Variants in PRR5L observed in about 807,000 individuals in gnomAD.
PRR5L encodes the protein proline rich 5 like.
A neutral mutation model predicts 36.4 loss-of-function variants in PRR5L; 21 were observed. The ratio of observed to expected loss-of-function variants is 0.58; its 90% CI spans 0.41 to 0.83. PRR5L has a LOEUF of 0.83. PRR5L is among the 40% of genes least tolerant of loss of function. The pLI, the probability that PRR5L is intolerant of heterozygous loss-of-function variation, is 0.00. For missense variants in PRR5L, 381 were observed against 473.3 expected (o/e 0.80, Z 1.81); for synonymous variants, 188 against 197.0 (o/e 0.95, Z 0.38).
chr11:36,416,633 T>C (rs1858148872), intron 3 of PRR5L, among the ~76,000 whole-genome samples: 2 of 152,212 alleles, frequency 1.3e-5, no homozygotes, highest in African/African-American at 2.4e-5. Flanking sequence ...AGTCTTTGTC[T>C]TGGAAGTTGC....
intron 1 of PRR5L, chr11:36,376,023 G>A (rs1474543330): frequency 2.4e-5 from 13 of 536,600 alleles, no homozygotes; most frequent in Non-Finnish European, 4.2e-5. Flanking sequence ...TGGGCCGGGG[G>A]CGGGGGTCGG....
intron 1 of PRR5L, among the ~76,000 whole-genome samples, chr11:36,333,506 G>T (rs757067458): frequency 6.6e-6 from 1 of 152,190 alleles, no homozygotes; most frequent in Non-Finnish European, 1.5e-5. Flanking sequence ...TGGATTAAAT[G>T]AAGTGTGGCA....
intron 1 of PRR5L, among the ~76,000 whole-genome samples, chr11:36,327,657 A>G (rs909378701): frequency 5.9e-5 from 9 of 152,168 alleles, no homozygotes; most frequent in African/African-American, 1.9e-4. Context: ...CTGGTCATCT[A>G]TTTCCTCTAA....
At chr11:36,460,833 G>T (rs1859164771) in intron 8 of PRR5L, among the ~76,000 whole-genome samples, 1 of 152,178 alleles carries the variant, frequency 6.6e-6, no homozygotes. Flanking sequence ...ACCTCTCCTG[G>T]AGTCTGTTCC....
At chr11:36,296,888 G>A (rs999475801) in intron 1 of PRR5L, among the ~76,000 whole-genome samples, 3 of 152,134 alleles carry the variant, frequency 2.0e-5, no homozygotes, top group Non-Finnish European at 4.4e-5. Flanking sequence ...TAGAATCTGC[G>A]CTTTTCGTCA....
At chr11:36,420,711 AC>A (rs138198512) in intron 4 of PRR5L, among the ~76,000 whole-genome samples, 10,370 of 152,274 alleles carry the variant, frequency 0.068, 527 homozygotes, top group Middle Eastern at 0.17. Flanking sequence ...TACTTTTAAG[AC>A]AGTTTAAAGA....
At position 36,344,467 on chromosome 11, in the gene PRR5L, C is replaced by T. The variant is rs1856846028; in HGVS notation, c.-126+48029C>T. The stretch of plus-strand genomic sequence containing the variant: ...CATTTTTAAGGCAAACATAATGTTC[C>T]ATTCTATGGCTATATTGTACCACCT... On this transcript the variant is annotated intron_variant, in intron 1 of 8. Coordinates refer to ENST00000530639, the MANE Select transcript of PRR5L (RefSeq NM_001160167.2). The surrounding 1 kb of genome is among the most constrained non-coding windows in gnomAD (Gnocchi z 4.1). Among the ~76,000 whole-genome samples the T allele has an allele frequency of 1.3e-5, 2 of 152,038 alleles. No individual in the cohort carries two copies. The highest frequency in any genetic ancestry group is 2.9e-5 in the Non-Finnish European group (2 of 68,020).
At chr11:36,398,154 A>T (rs11033586) in intron 1 of PRR5L, among the ~76,000 whole-genome samples, 1 of 152,182 alleles carries the variant, frequency 6.6e-6, no homozygotes, top group East Asian at 1.9e-4. Context: ...AGAATGGCCT[A>T]GGTGGGAGCT....
chr11:36,311,935 A>G (rs1464134505), intron 1 of PRR5L, among the ~76,000 whole-genome samples: 1 of 152,224 alleles, frequency 6.6e-6, no homozygotes, highest in East Asian at 1.9e-4. Context: ...CTGTAACTCT[A>G]TGTAGCTATA....
rs374285817 is a variant in PRR5L at position 36,451,331 on chromosome 11, G to A, written c.708G>A (p.Thr236=). ...GDRSFSGPTY[T]LARRHSRVRP... is the part of the protein sequence containing the mutation. Reference sequence around the variant, plus strand: ...GTAGCTTCTCAGGCCCCACGTACACGCTGGGTAAGGAGTGCAGCTCTCAAG... The same window carrying A: ...GTAGCTTCTCAGGCCCCACGTACACACTGGGTAAGGAGTGCAGCTCTCAAG... Residue 236 remains threonine, a synonymous_variant, in exon 8 of 9, where the codon ACG becomes ACA. Coordinates refer to ENST00000530639, the MANE Select transcript of PRR5L (RefSeq NM_001160167.2). The A allele has an allele frequency of 1.6e-5, 26 of 1,613,872 alleles. No individual in the cohort carries two copies. Among genetic ancestry groups the A allele is most frequent in the East Asian group, 1.3e-4 (6 of 44,884 alleles).
At chr11:36,299,039 CAT>C (rs1160018766) in intron 1 of PRR5L, among the ~76,000 whole-genome samples, 2 of 152,190 alleles carry the variant, frequency 1.3e-5, no homozygotes, top group African/African-American at 4.8e-5. Flanking sequence ...AGGGCTTCAT[CAT>C]ATAAATTTTG....
intron 1 of PRR5L, among the ~76,000 whole-genome samples, chr11:36,336,853 T>G (rs1185087012): frequency 6.6e-6 from 1 of 152,160 alleles, no homozygotes; most frequent in African/African-American, 2.4e-5. Flanking sequence ...TCTCATATCA[T>G]TATTTACTTA....
chr11:36,302,372 G>A (rs531873311), intron 1 of PRR5L, among the ~76,000 whole-genome samples: 2 of 152,328 alleles, frequency 1.3e-5, no homozygotes, highest in East Asian at 3.9e-4. Flanking sequence ...TAACGTGAGT[G>A]TCAAATGTGA....
chr11:36,361,212 G>A (rs1407082909), intron 1 of PRR5L, among the ~76,000 whole-genome samples: 3 of 152,132 alleles, frequency 2.0e-5, no homozygotes, highest in South Asian at 2.1e-4. Context: ...TTCCGGAGGT[G>A]ACATGGCATT....
At chr11:36,354,926 C>A (rs1398792170) in intron 1 of PRR5L, among the ~76,000 whole-genome samples, 1 of 152,164 alleles carries the variant, frequency 6.6e-6, no homozygotes, top group Non-Finnish European at 1.5e-5. Flanking sequence ...TTTCAGATGC[C>A]TTATGCAAAT....
At chr11:36,415,059 C>G (rs1042328970) in intron 3 of PRR5L, among the ~76,000 whole-genome samples, 2 of 147,374 alleles carry the variant, frequency 1.4e-5, no homozygotes, top group African/African-American at 5.1e-5. Flanking sequence ...CTGTTCTGTT[C>G]CATTGATCTA....
At chr11:36,366,969 C>G (rs7930490) in intron 1 of PRR5L, among the ~76,000 whole-genome samples, 65,293 of 151,936 alleles carry the variant, frequency 0.43, 14,358 homozygotes, top group East Asian at 0.67. Flanking sequence ...ACAAATTTTT[C>G]CTTATTCCAT....
intron 1 of PRR5L, among the ~76,000 whole-genome samples, chr11:36,359,035 A>G (rs988104831): frequency 3.3e-5 from 5 of 152,172 alleles, no homozygotes; most frequent in Non-Finnish European, 1.5e-5. Flanking sequence ...TTGCAGGCTC[A>G]TATTCTTGTG....
intron 4 of PRR5L, among the ~76,000 whole-genome samples, chr11:36,428,748 A>G (rs1025444643): frequency 3.9e-5 from 6 of 152,176 alleles, no homozygotes; most frequent in Non-Finnish European, 4.4e-5. Flanking sequence ...TCCTGGGGGC[A>G]GGGGGTTATA....
Sources: gnomAD v4.1 joint callset for allele counts (sites outside exome capture counted in the v4.1 genomes callset) on GRCh38, gnomAD v4.1.1 for gene constraint, Gnocchi (gnomAD v3.1) non-coding constraint, MANE v1.5 for transcripts, NCBI Gene and HGNC (gene_info 2026-07-23, HGNC 2026-07-21) for gene names.